Variants in PRKAR2B observed in about 807,000 individuals in gnomAD.
The protein encoded by PRKAR2B is cAMP-dependent protein kinase type II-beta regulatory subunit.
A neutral mutation model predicts 49.9 loss-of-function variants in PRKAR2B; 14 were observed. The observed-to-expected ratio is 0.28, with a 90% CI of 0.19 to 0.44. The LOEUF is 0.44. Among genes scored for constraint, PRKAR2B ranks in the 20% least tolerant of loss-of-function variants. The pLI is 1.00. For synonymous variants in PRKAR2B, 196 were observed against 197.7 expected (o/e 0.99, Z 0.07); for missense variants, 393 against 537.9 (o/e 0.73, Z 2.67).
intron 1 of PRKAR2B, among the ~76,000 whole-genome samples, chr7:107,063,998 A>G (rs1463034439): frequency 1.3e-5 from 2 of 152,206 alleles, no homozygotes; most frequent in Admixed American, 1.3e-4. Flanking sequence ...TGTATGGAGA[A>G]GCAGAAAGTG....
At chr7:107,125,644 C>A (rs572788771) in intron 3 of PRKAR2B, among the ~76,000 whole-genome samples, 1 of 152,222 alleles carries the variant, frequency 6.6e-6, no homozygotes, top group East Asian at 1.9e-4. Context: ...TTTACTTTCC[C>A]CAGTGAAGAG....
chr7:107,054,647 G>T (rs555992191), intron 1 of PRKAR2B, among the ~76,000 whole-genome samples: 1 of 152,274 alleles, frequency 6.6e-6, no homozygotes, highest in South Asian at 2.1e-4. Context: ...AGGTAGGCAA[G>T]AATGTGCAGG....
intron 2 of PRKAR2B, among the ~76,000 whole-genome samples, chr7:107,083,381 G>A (rs1043883193): frequency 2.0e-5 from 3 of 151,672 alleles, no homozygotes; most frequent in Non-Finnish European, 2.9e-5. Context: ...ATAGATGATG[G>A]TGATGATGAC....
intron 2 of PRKAR2B, chr7:107,077,998 T>TC (rs1794433298): frequency 6.6e-6 from 1 of 152,110 alleles, no homozygotes; most frequent in South Asian, 2.1e-4. Context: ...GGTCAGGAGT[T>TC]CAAGACCAGC....
In PRKAR2B at chr7:107,160,487, T is replaced by A. The variant is rs1796178987; in HGVS notation, c.*905T>A. On this transcript the variant is annotated 3_prime_UTR_variant, in exon 11 of 11. Coordinates refer to ENST00000265717, the MANE Select transcript of PRKAR2B (RefSeq NM_002736.3). ...CTCCTATCCCAAAAATAATGTGGGA[T>A]CCTTATCAGCATGCCCACAGTTTAT... The A allele has an allele frequency of 6.6e-6, 1 of 152,188 alleles. No individual in the cohort carries two copies. Among genetic ancestry groups the A allele is most frequent in the Non-Finnish European group, 1.5e-5 (1 of 68,028 alleles). 9.4% of individuals were successfully genotyped at this position (152,188 alleles called of 1,614,324 possible). A position where few individuals can be genotyped will look rare whatever the true frequency, so the allele number is the denominator to read the frequency against.
intron 2 of PRKAR2B, among the ~76,000 whole-genome samples, chr7:107,116,543 A>G (rs1286689632): frequency 6.6e-6 from 1 of 152,220 alleles, no homozygotes; most frequent in Non-Finnish European, 1.5e-5. Context: ...AAGAATATGT[A>G]TACATACACA....
chr7:107,152,948 T>C (rs891779426), intron 7 of PRKAR2B, among the ~76,000 whole-genome samples: 10 of 152,204 alleles, frequency 6.6e-5, no homozygotes, highest in Non-Finnish European at 1.3e-4. Flanking sequence ...ATTGTTGCCA[T>C]GTGGAAATAT....
At chr7:107,049,311 A>G (rs1463171597) in intron 1 of PRKAR2B, among the ~76,000 whole-genome samples, 2 of 152,254 alleles carry the variant, frequency 1.3e-5, no homozygotes, top group Non-Finnish European at 2.9e-5. Flanking sequence ...GTGATAGAAA[A>G]TAAAGAGCTG....
chr7:107,133,242 G>A (rs1199735664), intron 4 of PRKAR2B, among the ~76,000 whole-genome samples: 1 of 152,130 alleles, frequency 6.6e-6, no homozygotes, highest in African/African-American at 2.4e-5. Context: ...ACACCTGTCT[G>A]TATTTTATCA....
intron 1 of PRKAR2B, among the ~76,000 whole-genome samples, chr7:107,066,301 G>GGGGGGGGGGTGT (rs147673007): frequency 6.9e-6 from 1 of 145,512 alleles, no homozygotes; most frequent in African/African-American, 2.6e-5. Flanking sequence ...CTCTATGTGG[G>GGGGGGGGGGTGT]GTGTGTGTGT....
At chr7:107,155,825 T>C (rs1178221505) in intron 8 of PRKAR2B, among the ~76,000 whole-genome samples, 1 of 152,186 alleles carries the variant, frequency 6.6e-6, no homozygotes, top group African/African-American at 2.4e-5. Flanking sequence ...ATTGCAGCAC[T>C]ATTTACAATA....
At chr7:107,092,492 A>G (rs1794749442) in intron 2 of PRKAR2B, among the ~76,000 whole-genome samples, 1 of 152,084 alleles carries the variant, frequency 6.6e-6, no homozygotes, top group Admixed American at 6.6e-5. Flanking sequence ...TGTGTGGACT[A>G]AGAGGAAATG....
intron 2 of PRKAR2B, among the ~76,000 whole-genome samples, chr7:107,103,213 A>C (rs1372325944): frequency 6.6e-6 from 1 of 152,234 alleles, no homozygotes; most frequent in Non-Finnish European, 1.5e-5. Context: ...TCAAGGCACT[A>C]AAATTTCTTG....
chr7:107,066,301 G>GTGT (rs1554362906), intron 1 of PRKAR2B, among the ~76,000 whole-genome samples: 2 of 145,512 alleles, frequency 1.4e-5, no homozygotes, highest in African/African-American at 5.2e-5. Context: ...CTCTATGTGG[G>GTGT]GTGTGTGTGT....
In PRKAR2B at chr7:107,160,284, A is replaced by T. The variant is rs1328897325; in HGVS notation, c.*702A>T. 3 of 152,408 alleles carry T rather than the reference A, an allele frequency of 2.0e-5. No individual in the cohort carries two copies. The East Asian group carries it at 5.8e-4, about 29-fold the overall frequency. The allele number at this position is 152,408 out of a possible 1,614,324, so 9.4% of individuals were successfully genotyped here. A position where few individuals can be genotyped will look rare whatever the true frequency, so the allele number is the denominator to read the frequency against. On this transcript the variant is annotated 3_prime_UTR_variant, in exon 11 of 11. Coordinates refer to ENST00000265717, the MANE Select transcript of PRKAR2B (RefSeq NM_002736.3). ...GTTTTAGATGAGAGATCATTAATGC[A>T]TTTTTCCCTCATCAAGCATATATCT... is the stretch of plus-strand genomic sequence containing the variant.
At chr7:107,119,531 C>T (rs2237652) in intron 2 of PRKAR2B, among the ~76,000 whole-genome samples, 59,746 of 152,046 alleles carry the variant, frequency 0.39, 14,420 homozygotes, top group Non-Finnish European at 0.51. Context: ...AGTTAGAGAG[C>T]CAAGCTTTAG....
intron 2 of PRKAR2B, among the ~76,000 whole-genome samples, chr7:107,111,822 C>G (rs1795177967): frequency 1.3e-5 from 2 of 151,684 alleles, no homozygotes; most frequent in Admixed American, 1.3e-4. Context: ...GTTCCCACTT[C>G]CACCCCCAAT....
intron 2 of PRKAR2B, among the ~76,000 whole-genome samples, chr7:107,101,135 ATTTTTTT>A (rs950761298): frequency 8.4e-5 from 8 of 94,690 alleles, no homozygotes; most frequent in Non-Finnish European, 1.2e-4. Flanking sequence ...GTTGTTGCTT[ATTTTTTT>A]TTTTTTTTTT....
At chr7:107,049,141 A>G (rs1209676748) in intron 1 of PRKAR2B, among the ~76,000 whole-genome samples, 1 of 152,238 alleles carries the variant, frequency 6.6e-6, no homozygotes, top group Admixed American at 6.5e-5. Flanking sequence ...TCATCAAGAG[A>G]TCTTGTGTTG....
Sources: allele counts gnomAD v4.1 joint callset (sites outside exome capture counted in the v4.1 genomes callset), GRCh38; gene constraint gnomAD v4.1.1; transcripts MANE v1.5; gene names NCBI Gene and HGNC (gene_info 2026-07-23, HGNC 2026-07-21).